Variants in NQO2 observed in about 807,000 individuals in gnomAD.
NQO2 encodes N-ribosyldihydronicotinamide:quinone dehydrogenase 2.
Under a neutral mutation model 22.0 loss-of-function variants are expected in NQO2, and 18 were observed. The ratio of observed to expected loss-of-function variants is 0.82; its 90% confidence interval spans 0.56 to 1.21. NQO2 has a LOEUF of 1.21. Ranked by LOEUF, NQO2 falls within the 50% of genes most tolerant of loss-of-function variation. NQO2 has a pLI of 0.00. For missense variants in NQO2, 267 were observed against 286.9 expected (o/e 0.93, Z 0.50); for synonymous variants, 106 against 110.8 (o/e 0.96, Z 0.28).
rs1427834120 is a variant in NQO2 at position 3,009,923 on chromosome 6, T to C, written c.8-102T>C. The C allele has an allele frequency of 3.4e-6, 5 of 1,473,638 alleles. No homozygotes were observed. In the African/African-American group the frequency reaches 4.2e-5, roughly 13 times the overall value. The allele number at this position is 1,473,638 out of a possible 1,614,324, so 91.3% of individuals were successfully genotyped here. A position where few individuals can be genotyped will look rare whatever the true frequency, so the allele number is the denominator to read the frequency against. On this transcript the variant is annotated intron_variant, in intron 2 of 6. Coordinates refer to ENST00000380455, the MANE Select transcript of NQO2 (RefSeq NM_000904.6). ...AAAATTTGATATTTCTTAGCTTCAATTACTATGATGCACCTGAACATTCAA... is the reference window on the plus strand; with the variant it reads ...AAAATTTGATATTTCTTAGCTTCAACTACTATGATGCACCTGAACATTCAA...
chr6:3,004,239 G>A lies in NQO2; in HGVS notation c.-85-2229G>A, dbSNP rs373720585. Reference sequence around the variant, plus strand: ...AATGTAGTGCTTACCTGTACACGTGGATTCCTGGAATCAATTCAGGGTCTG... The same window carrying A: ...AATGTAGTGCTTACCTGTACACGTGAATTCCTGGAATCAATTCAGGGTCTG... On this transcript the variant is annotated intron_variant, in intron 1 of 6. Coordinates refer to ENST00000380455, the MANE Select transcript of NQO2 (RefSeq NM_000904.6). The A allele has an allele frequency of 1.3e-5, 9 of 709,716 alleles. No individual in the cohort carries two copies. In the African/African-American group the frequency reaches 1.6e-4, roughly 12 times the overall value. The allele number at this position is 709,716 out of a possible 1,614,324, so 44.0% of individuals were successfully genotyped here. A position where few individuals can be genotyped will look rare whatever the true frequency, so the allele number is the denominator to read the frequency against.
intron 3 of NQO2, chr6:3,012,300 T>G: frequency 1.3e-6 from 1 of 744,006 alleles, no homozygotes; most frequent in Non-Finnish European, 1.6e-6. Flanking sequence ...GTCTCACCAG[T>G]TGTTATGAAG....
At chr6:3,000,547 T>C (rs1206433344) in intron 1 of NQO2, among the ~76,000 whole-genome samples, 1 of 151,880 alleles carries the variant, frequency 6.6e-6, no homozygotes, top group Non-Finnish European at 1.5e-5. Context: ...AATCAGCTTT[T>C]TTTTTTTTCC....
At chr6:3,014,649 A>C (rs1757263240) in intron 4 of NQO2, among the ~76,000 whole-genome samples, 1 of 152,036 alleles carries the variant, frequency 6.6e-6, no homozygotes, top group African/African-American at 2.4e-5. Flanking sequence ...GTTTGTCCAG[A>C]GGGTCTGCAT....
At chr6:3,015,047 T>G in intron 4 of NQO2, 1 of 1,240,970 alleles carries the variant, frequency 8.1e-7, no homozygotes, top group Non-Finnish European at 1.1e-6. Flanking sequence ...ATCTATGGGA[T>G]AGGGAGATCT....
intron 2 of NQO2, among the ~76,000 whole-genome samples, chr6:3,008,784 CAT>C (rs1483533909): frequency 6.6e-6 from 1 of 152,136 alleles, no homozygotes; most frequent in South Asian, 2.1e-4. Context: ...GGAGACATCA[CAT>C]GTCGGCAGGT....
intron 4 of NQO2, 105 bp from the exon 5 acceptor site, chr6:3,015,425 G>A (rs1048845475): frequency 2.0e-6 from 3 of 1,489,512 alleles, no homozygotes; most frequent in South Asian, 2.7e-5. Flanking sequence ...CAGCTGCCAG[G>A]GAAGAGGAGG....
At chr6:3,015,080 A>G in intron 4 of NQO2, 1 of 1,291,100 alleles carries the variant, frequency 7.7e-7, no homozygotes, top group African/African-American at 1.5e-5. Flanking sequence ...AAGGAATACA[A>G]ACATGACTTT....
intron 4 of NQO2, among the ~76,000 whole-genome samples, chr6:3,013,147 G>A (rs548838939): frequency 1.3e-5 from 2 of 151,668 alleles, no homozygotes; most frequent in East Asian, 3.9e-4. Context: ...AGTAGAGACC[G>A]GGTTTCACCG....
intron 4 of NQO2, 37 bp downstream of exon 4, chr6:3,012,711 C>A: frequency 6.3e-7 from 1 of 1,589,040 alleles, no homozygotes; most frequent in Non-Finnish European, 8.6e-7. Context: ...GAATCAGATT[C>A]ATCTTATGTA....
Position 3,006,356 on chromosome 6 carries a change from TTCTC to T in NQO2, c.-85-110_-85-107del, listed in dbSNP as rs1257741381. On this transcript the variant is annotated intron_variant, in intron 1 of 6. Transcript: ENST00000380455. The surrounding 1 kb of genome is among the most constrained non-coding windows in gnomAD (Gnocchi z 4.0). ...ATTCCTGGCCTCTCTTGAGAGGTCT[TTCTC>T]TGATGTGTTTGCGTGTCTGTCAGGA... 8 of 1,403,434 alleles carry T rather than the reference TTCTC, an allele frequency of 5.7e-6. No homozygotes were observed. Among genetic ancestry groups the T allele is most frequent in the Admixed American group, 6.9e-5 (2 of 29,142 alleles). 86.9% of individuals were successfully genotyped at this position (1,403,434 alleles called of 1,614,324 possible).
chr6:3,016,960 C>T lies in NQO2; in HGVS notation c.494C>T (p.Ser165Phe). 1.2e-6 allele frequency: 2 copies of T among 1,614,068 alleles called. No homozygotes were observed. Among genetic ancestry groups the T allele is most frequent in the Non-Finnish European group, 1.7e-6 (2 of 1,180,016 alleles). Residue 165 changes from serine (S) to phenylalanine (F), a missense_variant, in exon 6 of 7, where the codon TCT becomes TTT. By Grantham distance (155) the Ser-to-Phe change is radical (BLOSUM62 -2). Coordinates refer to ENST00000380455, the MANE Select transcript of NQO2 (RefSeq NM_000904.6). Reference sequence around the variant, plus strand: ...ACGAAGACAGGAGTCAATGGAGATTCTCGATACTTCCTGTGGCCACTCCAG... The same window carrying T: ...ACGAAGACAGGAGTCAATGGAGATTTTCGATACTTCCTGTGGCCACTCCAG... Reference protein sequence around the residue: ...MYTKTGVNGDSRYFLWPLQHG... With the variant: ...MYTKTGVNGDFRYFLWPLQHG...
At chr6:3,008,671 A>G (rs143093309) in intron 2 of NQO2, among the ~76,000 whole-genome samples, 1 of 152,334 alleles carries the variant, frequency 6.6e-6, no homozygotes, top group East Asian at 1.9e-4. Context: ...TTCACCCCCA[A>G]TATTTCACGT....
In NQO2 at chr6:3,012,602, G is replaced by A. The variant is rs1305022268; in HGVS notation, c.231G>A (p.Lys77=). 7 of 1,614,074 alleles carry A rather than the reference G, an allele frequency of 4.3e-6. 1 individual carries two copies. In the South Asian group the frequency reaches 4.4e-5, roughly 10 times the overall value. Residue 77 remains lysine (K), a synonymous_variant, in exon 4 of 7, where the codon AAG becomes AAA. Transcript: ENST00000380455. ...NYGVETHEAY[K]QRSLASDITD... ...GAGTGGAAACCCACGAAGCCTACAA[G>A]CAAAGGTCTCTGGCTAGCGACATCA...
At chr6:3,004,223 C>T (rs1434655761) in intron 1 of NQO2, 12 of 569,446 alleles carry the variant, frequency 2.1e-5, no homozygotes, top group Admixed American at 6.3e-5. Flanking sequence ...AAATGTAGTG[C>T]TTACCTGTAC....
chr6:3,001,413 T>C (rs1479236772), intron 1 of NQO2, among the ~76,000 whole-genome samples: 1 of 152,078 alleles, frequency 6.6e-6, no homozygotes, highest in African/African-American at 2.4e-5. Context: ...ACCTTTAATC[T>C]CTGAAAAAAT....
intron 2 of NQO2, chr6:3,009,809 G>A (rs1359685926): frequency 2.5e-6 from 1 of 405,872 alleles, no homozygotes; most frequent in African/African-American, 2.2e-5. Flanking sequence ...AGAGGTTGCA[G>A]TGAGCTGAGA....
At chr6:3,001,740 G>T (rs1756737149) in intron 1 of NQO2, among the ~76,000 whole-genome samples, 1 of 152,170 alleles carries the variant, frequency 6.6e-6, no homozygotes, top group Non-Finnish European at 1.5e-5. Flanking sequence ...ATTAAATAAT[G>T]TACACGTCAA....
chr6:3,009,122 G>A (rs571730760), intron 2 of NQO2, among the ~76,000 whole-genome samples: 1 of 152,260 alleles, frequency 6.6e-6, no homozygotes, highest in South Asian at 2.1e-4. Flanking sequence ...GGAGACTGGG[G>A]CTTATTTCAT....
Sources: allele counts gnomAD v4.1 joint callset (sites outside exome capture counted in the v4.1 genomes callset), GRCh38; gene constraint gnomAD v4.1.1; non-coding constraint Gnocchi (gnomAD v3.1); transcripts MANE v1.5; gene names NCBI Gene and HGNC (gene_info 2026-07-23, HGNC 2026-07-21).